Variants in PTPN4 observed in about 807,000 individuals in gnomAD.
The protein encoded by PTPN4 is tyrosine-protein phosphatase non-receptor type 4.
Under a neutral mutation model 135.5 loss-of-function variants are expected in PTPN4, and 49 were observed. The observed-to-expected ratio is 0.36, with a 90% CI of 0.29 to 0.46. PTPN4 has a LOEUF of 0.46. PTPN4 is among the 20% of genes least tolerant of loss of function. The pLI, the probability that PTPN4 is intolerant of heterozygous loss-of-function variation, is 1.00. For synonymous variants in PTPN4, 333 were observed against 369.9 expected (o/e 0.90, Z 1.14); for missense variants, 860 against 1,101.0 (o/e 0.78, Z 3.10).
chr2:119,933,977 G>C (rs1220364186), intron 14 of PTPN4, among the ~76,000 whole-genome samples: 3 of 152,082 alleles, frequency 2.0e-5, no homozygotes, highest in African/African-American at 7.2e-5. Context: ...ATTTGTACCA[G>C]CAACACTAAA....
At chr2:119,811,078 C>T (rs947991979) in intron 2 of PTPN4, among the ~76,000 whole-genome samples, 8 of 147,232 alleles carry the variant, frequency 5.4e-5, no homozygotes, top group Non-Finnish European at 7.5e-5. Flanking sequence ...CGGGGCCAGT[C>T]GGGGGATTAG....
chr2:119,976,153 G>A (rs1280122019), intron 26 of PTPN4, among the ~76,000 whole-genome samples: 2 of 151,278 alleles, frequency 1.3e-5, no homozygotes, highest in African/African-American at 4.8e-5. Flanking sequence ...CCACTACCAC[G>A]CCCGGCTAAT....
intron 12 of PTPN4, among the ~76,000 whole-genome samples, chr2:119,923,607 A>G (rs1574406247): frequency 1.3e-5 from 2 of 152,276 alleles, no homozygotes; most frequent in East Asian, 3.9e-4. Context: ...TAAGTAGTAA[A>G]ATTCAGCAAA....
intron 9 of PTPN4, among the ~76,000 whole-genome samples, chr2:119,888,151 T>C (rs1371856729): frequency 6.6e-6 from 1 of 152,210 alleles, no homozygotes; most frequent in South Asian, 2.1e-4. Context: ...CTTGATTTCT[T>C]TCTCAGCTAG....
chr2:119,821,093 ATTTTT>A (rs34372928), intron 2 of PTPN4, among the ~76,000 whole-genome samples: 1 of 122,396 alleles, frequency 8.2e-6, no homozygotes, highest in Non-Finnish European at 1.7e-5. Context: ...TCTATCCATA[ATTTTT>A]TTTTTTTTTT....
chr2:119,922,116 A>G (rs1051223080), intron 12 of PTPN4, among the ~76,000 whole-genome samples: 3 of 152,064 alleles, frequency 2.0e-5, no homozygotes, highest in African/African-American at 4.8e-5. Context: ...TTCAAATACA[A>G]AAGACAGTTG....
rs765143177 is a variant in PTPN4 at position 119,956,827 on chromosome 2, T to C, written c.1981-17T>C. ...TATGGCTTTTGTTGGAATTGTACCT[T>C]TTTTTTTTTTTTTTAGCAACTGTAT... On this transcript the variant is annotated splice_polypyrimidine_tract_variant and intron_variant, in intron 20 of 26. Transcript: ENST00000263708. 2 of 678,276 alleles carry C rather than the reference T, an allele frequency of 2.9e-6. No homozygotes were observed. The highest frequency in any genetic ancestry group is 2.1e-5 in the South Asian group (1 of 48,134). The allele number at this position is 678,276 out of a possible 1,614,324, so 42.0% of individuals were successfully genotyped here. A position where few individuals can be genotyped will look rare whatever the true frequency, so the allele number is the denominator to read the frequency against.
chr2:119,973,366 C>G (rs1679564336), intron 26 of PTPN4, among the ~76,000 whole-genome samples: 1 of 152,094 alleles, frequency 6.6e-6, no homozygotes, highest in Admixed American at 6.6e-5. Context: ...GAACATACCA[C>G]ATTTTCTTTA....
intron 14 of PTPN4, 36 bp downstream of exon 14, chr2:119,932,585 A>G (rs775312773): frequency 3.1e-5 from 47 of 1,535,432 alleles, no homozygotes; most frequent in Admixed American, 1.2e-4. Context: ...TCAGGTGTGA[A>G]TTTTGCTAAT....
chr2:119,765,068 C>T (rs994153571), intron 1 of PTPN4, among the ~76,000 whole-genome samples: 1 of 152,062 alleles, frequency 6.6e-6, no homozygotes, highest in Non-Finnish European at 1.5e-5. Context: ...TGGAATCTAG[C>T]GTCAAAAGCC....
Position 119,983,691 on chromosome 2 carries a change from G to A in PTPN4, c.*6621G>A, listed in dbSNP as rs1679726539. 6.6e-6 allele frequency: 1 copy of A among 152,140 alleles called. No individual in the cohort carries two copies. The highest frequency in any genetic ancestry group is 2.4e-5 in the African/African-American group (1 of 41,436). The allele number at this position is 152,140 out of a possible 1,614,324, so 9.4% of individuals were successfully genotyped here. A position where few individuals can be genotyped will look rare whatever the true frequency, so the allele number is the denominator to read the frequency against. ...GTTGGAGGTCATTAGATTGGACCCAGGTTTAAATATAATGATCTCTTCACA... is the reference window on the plus strand; with the variant it reads ...GTTGGAGGTCATTAGATTGGACCCAAGTTTAAATATAATGATCTCTTCACA... On this transcript the variant is annotated 3_prime_UTR_variant, in exon 27 of 27. Coordinates refer to ENST00000263708, the MANE Select transcript of PTPN4 (RefSeq NM_002830.4).
chr2:119,975,581 C>T (rs1238391207), intron 26 of PTPN4, among the ~76,000 whole-genome samples: 1 of 152,086 alleles, frequency 6.6e-6, no homozygotes, highest in Non-Finnish European at 1.5e-5. Flanking sequence ...AAAAATTAGC[C>T]GGGCATGATG....
chr2:119,943,386 C>T (rs1393157094), intron 15 of PTPN4, among the ~76,000 whole-genome samples: 1 of 151,990 alleles, frequency 6.6e-6, no homozygotes, highest in Non-Finnish European at 1.5e-5. Context: ...CACAAATGAG[C>T]CTAACTTAAA....
chr2:119,910,072 A>C (rs927917264), intron 10 of PTPN4, among the ~76,000 whole-genome samples: 2 of 152,160 alleles, frequency 1.3e-5, no homozygotes, highest in Non-Finnish European at 2.9e-5. Flanking sequence ...ATAAAGCAGC[A>C]GCTGGGTGAA....
chr2:119,930,572 C>T (rs1197809424), intron 13 of PTPN4, among the ~76,000 whole-genome samples: 1 of 152,092 alleles, frequency 6.6e-6, no homozygotes, highest in African/African-American at 2.4e-5. Flanking sequence ...ATCTAGAATT[C>T]AGAGTCCTTA....
At chr2:119,898,030 C>T (rs988300296) in intron 9 of PTPN4, among the ~76,000 whole-genome samples, 8 of 152,172 alleles carry the variant, frequency 5.3e-5, no homozygotes, top group African/African-American at 1.9e-4. Context: ...AGCAGTCTGA[C>T]ATAAAGCATG....
chr2:119,880,498 C>T (rs992163411), intron 5 of PTPN4, among the ~76,000 whole-genome samples: 1 of 151,486 alleles, frequency 6.6e-6, no homozygotes, highest in Non-Finnish European at 1.5e-5. Flanking sequence ...GGCGCGATCT[C>T]GGCTCATTGC....
rs1456708866 is a variant in PTPN4 at position 119,840,123 on chromosome 2, T to C, written c.139-22413T>C. ...TTTGCTTGCTTTTTATTTCCAACTT[T>C]TGTTTTAAGTTCAGCGATACACGTG... is the stretch of plus-strand genomic sequence containing the variant. On this transcript the variant is annotated intron_variant, in intron 2 of 26. Transcript: ENST00000263708. 3.3e-5 allele frequency among the ~76,000 whole-genome samples: 5 copies of C among 152,316 alleles called. No homozygotes were observed. In the East Asian group the frequency reaches 9.6e-4, roughly 29 times the overall value.
At chr2:119,884,386 G>C (rs755328269) in intron 8 of PTPN4, among the ~76,000 whole-genome samples, 1 of 152,080 alleles carries the variant, frequency 6.6e-6, no homozygotes, top group East Asian at 1.9e-4. Context: ...GGCTGTTTTC[G>C]CACAATGGCC....
Sources: allele counts gnomAD v4.1 joint callset (sites outside exome capture counted in the v4.1 genomes callset), GRCh38; gene constraint gnomAD v4.1.1; transcripts MANE v1.5; gene names NCBI Gene and HGNC (gene_info 2026-07-23, HGNC 2026-07-21).